CHM: variants seen among roughly 807,000 people sequenced by gnomAD.
CHM encodes the protein CHM Rab escort protein.
Under a neutral mutation model 49.0 loss-of-function variants are expected in CHM, and 10 were observed. The ratio of observed to expected loss-of-function variants is 0.20; its 90% confidence interval spans 0.13 to 0.35. CHM has a LOEUF of 0.35. Among genes scored for constraint, CHM ranks in the 10% least tolerant of loss-of-function variants. CHM has a pLI of 1.00. For missense variants in CHM, 455 were observed against 478.4 expected (o/e 0.95, Z 0.46); for synonymous variants, 184 against 167.5 (o/e 1.10, Z -0.76).
intron 11 of CHM, among the ~76,000 whole-genome samples, chrX:85,895,198 C>T (rs1345451551): frequency 1.0e-5 from 1 of 97,265 alleles, no homozygotes; most frequent in Non-Finnish European, 2.0e-5. Context: ...TACAGTGGTA[C>T]AATCTCAGCT....
chrX:85,912,787 C>T (rs928603064), intron 8 of CHM, among the ~76,000 whole-genome samples: 3 of 109,852 alleles, frequency 2.7e-5, no homozygotes, highest in South Asian at 3.9e-4. Flanking sequence ...CCGAGGCAGG[C>T]GGATCACCTG....
intron 8 of CHM, among the ~76,000 whole-genome samples, chrX:85,913,924 C>T (rs375487760): frequency 5.4e-5 from 6 of 110,753 alleles, no homozygotes; most frequent in East Asian, 2.8e-4. Flanking sequence ...AGTGGATATA[C>T]GGAGAAAGAA....
intron 4 of CHM, chrX:85,970,124 G>A (rs1930812456): frequency 5.5e-6 from 1 of 183,124 alleles, no homozygotes; most frequent in Non-Finnish European, 8.5e-6. Context: ...AAAGGTTTAA[G>A]GTGATGGATA....
At chrX:85,885,018 A>G (rs894397675) in intron 12 of CHM, among the ~76,000 whole-genome samples, 1 of 110,949 alleles carries the variant, frequency 9.0e-6, no homozygotes. Flanking sequence ...TATTAGTCAA[A>G]CCTGATTAGT....
intron 11 of CHM, among the ~76,000 whole-genome samples, chrX:85,899,680 A>ACCCCCCC (rs374034736): frequency 2.0e-5 from 1 of 49,578 alleles, no homozygotes; most frequent in Non-Finnish European, 3.6e-5. Flanking sequence ...CTCTAAACCC[A>ACCCCCCC]CCCCCCGCCC....
intron 2 of CHM, among the ~76,000 whole-genome samples, chrX:86,006,793 A>G (rs764829838): frequency 6.3e-4 from 71 of 112,276 alleles, no homozygotes; most frequent in African/African-American, 2.2e-3. Context: ...TTCCATTCGC[A>G]TGGATAGGAA....
At chrX:85,938,694 C>T (rs1243519234) in intron 8 of CHM, among the ~76,000 whole-genome samples, 1 of 110,190 alleles carries the variant, frequency 9.1e-6, no homozygotes, top group Non-Finnish European at 1.9e-5. Context: ...AGGGTATTTA[C>T]CCCCTAAATT....
chrX:85,982,121 T>C (rs1603269969), intron 2 of CHM, among the ~76,000 whole-genome samples: 1 of 112,001 alleles, frequency 8.9e-6, no homozygotes, highest in East Asian at 2.8e-4. Context: ...AACATGAATA[T>C]ATATGACTCT....
chrX:85,961,874 G>A (rs978714602), intron 5 of CHM, among the ~76,000 whole-genome samples: 3 of 110,877 alleles, frequency 2.7e-5, no homozygotes, highest in Non-Finnish European at 5.7e-5. Flanking sequence ...CTCCTTCAGG[G>A]TATCTTCAAA....
intron 14 of CHM, among the ~76,000 whole-genome samples, chrX:85,871,234 G>C (rs777900312): frequency 3.0e-5 from 3 of 99,119 alleles, no homozygotes; most frequent in African/African-American, 1.1e-4. Flanking sequence ...ATGAACCCAG[G>C]AGGGGGAGCT....
intron 12 of CHM, among the ~76,000 whole-genome samples, chrX:85,886,480 C>T (rs1162151801): frequency 1.7e-4 from 19 of 111,539 alleles, no homozygotes; most frequent in Non-Finnish European, 3.6e-4. Flanking sequence ...ATATAATTTG[C>T]CCATAATTGG....
intron 13 of CHM, among the ~76,000 whole-genome samples, chrX:85,875,300 A>G (rs893099588): frequency 1.8e-5 from 2 of 112,027 alleles, no homozygotes; most frequent in African/African-American, 6.5e-5. Context: ...AAACTGTCAA[A>G]AAATATTAAA....
At chrX:85,990,678 G>A (rs1207136485) in intron 2 of CHM, among the ~76,000 whole-genome samples, 1 of 111,609 alleles carries the variant, frequency 9.0e-6, no homozygotes, top group Non-Finnish European at 1.9e-5. Flanking sequence ...TTCATATGGT[G>A]TTTAATGTTA....
At chrX:85,911,759 T>G (rs984739923) in intron 8 of CHM, among the ~76,000 whole-genome samples, 6 of 111,477 alleles carry the variant, frequency 5.4e-5, no homozygotes, top group Non-Finnish European at 1.1e-4. Context: ...CCTAGATATT[T>G]TACTTACAAT....
At chrX:85,972,712 G>A (rs974050071) in intron 4 of CHM, among the ~76,000 whole-genome samples, 18 of 112,289 alleles carry the variant, frequency 1.6e-4, no homozygotes, top group East Asian at 8.6e-4. Context: ...AGCGCCACGC[G>A]CAGCCCCAGT....
intron 2 of CHM, among the ~76,000 whole-genome samples, chrX:86,021,126 G>GTGTGTATA (rs1555967708): frequency 3.6e-5 from 2 of 55,976 alleles, no homozygotes; most frequent in Non-Finnish European, 6.2e-5. Flanking sequence ...GTGTATATAC[G>GTGTGTATA]TATATATATA....
chrX:85,946,874 G>A (rs1321925903), intron 8 of CHM, among the ~76,000 whole-genome samples: 1 of 112,409 alleles, frequency 8.9e-6, no homozygotes, highest in Non-Finnish European at 1.9e-5. Context: ...AGCCACAGGG[G>A]CTGAACTCTA....
intron 8 of CHM, among the ~76,000 whole-genome samples, chrX:85,954,728 C>T (rs1258706247): frequency 9.1e-6 from 1 of 109,756 alleles, no homozygotes; most frequent in Non-Finnish European, 1.9e-5. Flanking sequence ...TCCATCACTA[C>T]TAAAAATACA....
intron 9 of CHM, among the ~76,000 whole-genome samples, chrX:85,907,150 G>T (rs1926646511): frequency 9.0e-6 from 1 of 111,640 alleles, no homozygotes; most frequent in Non-Finnish European, 1.9e-5. Flanking sequence ...AAAAAGAAAA[G>T]AAAAGTCAGA....
Sources: allele counts gnomAD v4.1 joint callset (sites outside exome capture counted in the v4.1 genomes callset), GRCh38; gene constraint gnomAD v4.1.1; transcripts MANE v1.5; gene names NCBI Gene and HGNC (gene_info 2026-07-23, HGNC 2026-07-21).